RREB1: variants seen among roughly 807,000 people sequenced by gnomAD.
The protein encoded by RREB1 is ras responsive element binding protein 1, also known as ras-responsive element-binding protein 1.
A neutral mutation model predicts 117.8 loss-of-function variants in RREB1; 27 were observed. The ratio of observed to expected loss-of-function variants is 0.23; its 90% CI spans 0.17 to 0.32. The LOEUF is 0.32. Ranked by LOEUF, RREB1 falls within the 10% of genes least tolerant of loss-of-function variation. RREB1 has a pLI of 1.00. For synonymous variants in RREB1, 1,298 were observed against 1,026.7 expected, an observed-to-expected ratio of 1.26 and a Z score of -5.05; for missense variants, 2,577 against 2,378.2, an observed-to-expected ratio of 1.08 and a Z score of -1.74.
intron 3 of RREB1, chr6:7,181,667 G>T: frequency 1.6e-6 from 1 of 608,006 alleles, no homozygotes; most frequent in Non-Finnish European, 2.9e-6. Context: ...AGGAGGCAAG[G>T]TTACTTCGTC....
At chr6:7,199,512 G>A (rs1403989230) in intron 6 of RREB1, among the ~76,000 whole-genome samples, 1 of 152,126 alleles carries the variant, frequency 6.6e-6, no homozygotes, top group Non-Finnish European at 1.5e-5. Context: ...ACAGTGCTGT[G>A]TATCATGTGC....
intron 1 of RREB1, among the ~76,000 whole-genome samples, chr6:7,131,025 G>A (rs1263384108): frequency 2.3e-5 from 3 of 131,992 alleles, no homozygotes; most frequent in East Asian, 2.6e-4. Context: ...TGCAAGCTCC[G>A]CCTCTCGGGT....
chr6:7,217,746 T>C (rs1253098335), intron 8 of RREB1: 2 of 152,124 alleles, frequency 1.3e-5, no homozygotes, highest in Non-Finnish European at 2.9e-5. Context: ...TTAGAATGTA[T>C]TTTTTATATA....
At chr6:7,114,428 A>G (rs1050839852) in intron 1 of RREB1, among the ~76,000 whole-genome samples, 1 of 147,328 alleles carries the variant, frequency 6.8e-6, no homozygotes, top group African/African-American at 2.5e-5. Context: ...CCCCCAGGGG[A>G]CTTTTGGCAC....
chr6:7,153,665 A>G (rs1172570470), intron 1 of RREB1, among the ~76,000 whole-genome samples: 1 of 152,194 alleles, frequency 6.6e-6, no homozygotes, highest in Non-Finnish European at 1.5e-5. Context: ...AAAATATCTC[A>G]GATCTGTTTG....
intron 8 of RREB1, among the ~76,000 whole-genome samples, chr6:7,225,659 C>T (rs921255912): frequency 6.6e-6 from 1 of 152,148 alleles, no homozygotes; most frequent in African/African-American, 2.4e-5. Context: ...AAGTGGACTG[C>T]CTCTGTGGGA....
intron 1 of RREB1, among the ~76,000 whole-genome samples, chr6:7,123,644 T>C (rs1309333122): frequency 7.0e-6 from 1 of 142,028 alleles, no homozygotes; most frequent in Non-Finnish European, 1.5e-5. Flanking sequence ...GGAGTCTTGC[T>C]CTGTCGCCCA....
Position 7,230,955 on chromosome 6 carries a change from TC to T in RREB1, c.2859del (p.Ser954AlafsTer28), listed in dbSNP as rs1411315793. The T allele has an allele frequency of 6.2e-7, 1 of 1,613,868 alleles. No homozygotes were observed. Among genetic ancestry groups the T allele is most frequent in the Non-Finnish European group, 8.5e-7 (1 of 1,179,938 alleles). On this transcript the variant is annotated frameshift_variant, in exon 10 of 13. Transcript: ENST00000379938. LOFTEE classifies it high-confidence loss of function. ...GGAAAGGGGACAAGGATTTGGCCACTCCCAGCGAAGCCAAGAAGCCTGAGGA... is the reference window on the plus strand; with the variant it reads ...GGAAAGGGGACAAGGATTTGGCCACTCCAGCGAAGCCAAGAAGCCTGAGGA... ...FRKGDKDLAT[P>X]SEAKKPEEEA...
intron 4 of RREB1, among the ~76,000 whole-genome samples, chr6:7,186,758 G>A (rs925488990): frequency 1.3e-5 from 2 of 152,208 alleles, no homozygotes; most frequent in African/African-American, 4.8e-5. Flanking sequence ...ACCAAGTAGT[G>A]AGCTGGTTCT....
chr6:7,212,917 T>TA (rs1440970142), intron 8 of RREB1: 1 of 152,192 alleles, frequency 6.6e-6, no homozygotes, highest in African/African-American at 2.4e-5. Context: ...AAAAGGAACT[T>TA]ACGAAGAATT....
chr6:7,130,211 A>G (rs1388525837), intron 1 of RREB1, among the ~76,000 whole-genome samples: 2 of 152,190 alleles, frequency 1.3e-5, no homozygotes, highest in African/African-American at 2.4e-5. Context: ...AATTCCTCCA[A>G]ATCATTTTTA....
chr6:7,200,218 G>GTATA (rs764764289), intron 6 of RREB1, among the ~76,000 whole-genome samples: 1 of 145,798 alleles, frequency 6.9e-6, no homozygotes, highest in Non-Finnish European at 1.5e-5. Context: ...GTATGTGTGT[G>GTATA]TATATATATA....
At chr6:7,108,368 A>T (rs1356999402) in intron 1 of RREB1, among the ~76,000 whole-genome samples, 2 of 149,352 alleles carry the variant, frequency 1.3e-5, no homozygotes, top group Non-Finnish European at 3.0e-5. Context: ...CCCTTTCCCG[A>T]GCCGCCGGCT....
chr6:7,201,190 T>C (rs1765957193), intron 6 of RREB1, among the ~76,000 whole-genome samples: 1 of 152,292 alleles, frequency 6.6e-6, no homozygotes, highest in East Asian at 1.9e-4. Flanking sequence ...TCTGATGCAC[T>C]GAGAACTTTG....
chr6:7,211,475 T>C, intron 7 of RREB1, 98 bp from the exon 8 acceptor site: 1 of 1,129,226 alleles, frequency 8.9e-7, no homozygotes, highest in South Asian at 1.4e-5. Context: ...ACCCTTGCCT[T>C]TTATTATTGT....
At chr6:7,113,663 G>T (rs1761257061) in intron 1 of RREB1, among the ~76,000 whole-genome samples, 1 of 152,206 alleles carries the variant, frequency 6.6e-6, no homozygotes, top group African/African-American at 2.4e-5. Flanking sequence ...TTTAGAGTCA[G>T]TTTGACCTCA....
At position 7,181,223 on chromosome 6, in the gene RREB1, C is replaced by CT. The variant is rs1342589954; in HGVS notation, c.-65dup. 32 of 398,816 alleles carry CT rather than the reference C, an allele frequency of 8.0e-5. No individual in the cohort carries two copies. The highest frequency in any genetic ancestry group is 6.2e-4 in the Middle Eastern group (1 of 1,610). The allele number at this position is 398,816 out of a possible 1,614,324, so 24.7% of individuals were successfully genotyped here. Reference sequence around the variant, plus strand: ...CTACAGCAGGGGAAAGTTTCATAGTCTATCAGTGGGTCAGAAAATGGAGGT... The same window carrying CT: ...CTACAGCAGGGGAAAGTTTCATAGTCTTATCAGTGGGTCAGAAAATGGAGGT... On this transcript the variant is annotated 5_prime_UTR_variant, in exon 3 of 13. An upstream open reading frame in the 5' UTR loses its in-frame stop. Coordinates refer to ENST00000379938, the MANE Select transcript of RREB1 (RefSeq NM_001003699.4).
At chr6:7,211,794 G>A (rs555802175) in intron 8 of RREB1, 85 bp downstream of exon 8, 45 of 1,395,406 alleles carry the variant, frequency 3.2e-5, no homozygotes, top group African/African-American at 1.9e-4. Flanking sequence ...ACTCCACACC[G>A]GGCTCCAGTG....
chr6:7,202,335 C>A (rs1461560206), intron 6 of RREB1, among the ~76,000 whole-genome samples: 1 of 152,220 alleles, frequency 6.6e-6, no homozygotes, highest in Non-Finnish European at 1.5e-5. Context: ...TCCTCCTGCA[C>A]AGAAAGTGAG....
Sources: allele counts gnomAD v4.1 joint callset (sites outside exome capture counted in the v4.1 genomes callset), GRCh38; gene constraint gnomAD v4.1.1; transcripts MANE v1.5; gene names NCBI Gene and HGNC (gene_info 2026-07-23, HGNC 2026-07-21).